NF1: variants seen among roughly 807,000 people sequenced by gnomAD.
NF1 encodes neurofibromin 1.
In NF1, 122 loss-of-function variants were observed where a neutral mutation model predicts 325.7. That is an observed-to-expected ratio of 0.37 (90% confidence interval 0.32 to 0.44). The LOEUF (loss-of-function observed/expected upper bound fraction) is 0.44, where lower values mean the gene tolerates loss of function less well. Ranked by LOEUF, NF1 falls within the 20% of genes least tolerant of loss-of-function variation. NF1 has a pLI of 1.00. For synonymous variants in NF1, 1,091 were observed against 1,186.0 expected, an observed-to-expected ratio of 0.92 and a Z score of 1.65; for missense variants, 2,140 against 3,415.4, an observed-to-expected ratio of 0.63 and a Z score of 9.31.
chr17:31,109,703 G>A (rs1202939263), intron 1 of NF1, among the ~76,000 whole-genome samples: 1 of 152,100 alleles, frequency 6.6e-6, no homozygotes, highest in African/African-American at 2.4e-5. Context: ...TTTTCAACTA[G>A]AACAATTAGA....
intron 37 of NF1, 64 bp from the exon 38 acceptor site, chr17:31,327,435 T>C: frequency 3.7e-6 from 5 of 1,335,398 alleles, no homozygotes; most frequent in Non-Finnish European, 5.3e-6. Flanking sequence ...TCTGGAGCCT[T>C]TTAGAATTTT....
At chr17:31,233,564 C>T (rs554424259) in intron 27 of NF1, among the ~76,000 whole-genome samples, 1 of 152,254 alleles carries the variant, frequency 6.6e-6, no homozygotes, top group East Asian at 1.9e-4. Flanking sequence ...TTACTACCTC[C>T]AGTTTGCTAT....
intron 39 of NF1, among the ~76,000 whole-genome samples, chr17:31,334,150 G>A (rs932675723): frequency 6.6e-5 from 10 of 152,046 alleles, no homozygotes; most frequent in Admixed American, 1.3e-4. Context: ...TTTGCCGGGC[G>A]TGGTGGTGGG....
At chr17:31,317,404 C>CACACACACACA (rs56932012) in intron 36 of NF1, among the ~76,000 whole-genome samples, 2 of 147,222 alleles carry the variant, frequency 1.4e-5, no homozygotes, top group African/African-American at 2.6e-5. Context: ...CACACACACA[C>CACACACACACA]CCCTAATAAA....
intron 2 of NF1, among the ~76,000 whole-genome samples, chr17:31,157,055 C>G (rs918999381): frequency 6.6e-6 from 1 of 152,088 alleles, no homozygotes; most frequent in African/African-American, 2.4e-5. Context: ...GGCGCAATCT[C>G]GGCTTACTGT....
At chr17:31,149,561 A>C (rs562879041) in intron 1 of NF1, among the ~76,000 whole-genome samples, 1 of 152,280 alleles carries the variant, frequency 6.6e-6, no homozygotes, top group Admixed American at 6.5e-5. Flanking sequence ...TGTATTTAGA[A>C]AGATTTATTC....
intron 36 of NF1, among the ~76,000 whole-genome samples, chr17:31,307,638 T>C (rs1597804383): frequency 6.6e-6 from 1 of 152,182 alleles, no homozygotes; most frequent in East Asian, 1.9e-4. Context: ...CTGTTCTCAA[T>C]TGCCTTTCCT....
Position 31,229,274 on chromosome 17 carries a change from G to C in NF1, c.2659G>C (p.Ala887Pro), listed in dbSNP as rs1251621684. The change falls in exon 21 of 58, where the codon GCA becomes CCA. Residue 887 changes from alanine (A) to proline (P), a missense_variant. Physicochemically the swap from Ala to Pro is conservative, Grantham distance 27. Around this residue, in one of 10 missense-constraint regions of NF1, gnomAD observed 380 missense variants for 639.3 expected, o/e 0.59. Transcript: ENST00000358273. ...TTCAGTGATGTCTTCAGAGGGAAAC[G>C]CAGATACACCTGTCAGCAAATTTAT... ...MISVMSSEGN[A>P]DTPVSKFMDR... 6.2e-7 allele frequency: 1 copy of C among 1,613,626 alleles called. No individual in the cohort carries two copies.
chr17:31,325,187 A>G (rs549407143), intron 36 of NF1, among the ~76,000 whole-genome samples: 2 of 152,276 alleles, frequency 1.3e-5, no homozygotes, highest in South Asian at 4.1e-4. Context: ...TCATACACAA[A>G]TGATATGGCC....
intron 2 of NF1, among the ~76,000 whole-genome samples, chr17:31,156,842 T>C (rs2065671999): frequency 6.6e-6 from 1 of 152,176 alleles, no homozygotes; most frequent in Non-Finnish European, 1.5e-5. Context: ...GATCCCTTCC[T>C]CTCTCTAAAT....
At chr17:31,324,223 C>T (rs909023393) in intron 36 of NF1, among the ~76,000 whole-genome samples, 6 of 151,924 alleles carry the variant, frequency 3.9e-5, no homozygotes, top group African/African-American at 7.2e-5. Flanking sequence ...CGTGCCACCA[C>T]GCCCAGCTAA....
In NF1 at chr17:31,198,142, G is replaced by C. The variant is rs549618334; in HGVS notation, c.889-2280G>C. On this transcript the variant is annotated intron_variant, in intron 8 of 57. Coordinates refer to ENST00000358273, the MANE Select transcript of NF1 (RefSeq NM_001042492.3). ...GAATCATCTTGTGCTCCTGGAGTAA[G>C]TTTCACTTGGTCATGGTGTGTCATC... 1.8e-4 allele frequency among the ~76,000 whole-genome samples: 27 copies of C among 152,250 alleles called. 1 individual carries two copies. The South Asian group carries it at 5.6e-3, about 32-fold the overall frequency.
intron 36 of NF1, chr17:31,305,237 C>T (rs999235860): frequency 6.2e-7 from 1 of 1,614,112 alleles, no homozygotes; most frequent in African/African-American, 1.3e-5. Context: ...AGTTGTCTGG[C>T]AGAGGTGAAC....
intron 48 of NF1, among the ~76,000 whole-genome samples, chr17:31,348,796 G>A (rs893889765): frequency 1.5e-4 from 22 of 151,428 alleles, no homozygotes; most frequent in Non-Finnish European, 2.2e-4. Context: ...ATAATACATA[G>A]ATTTTTTTTT....
At chr17:31,324,884 T>C (rs377238746) in intron 36 of NF1, among the ~76,000 whole-genome samples, 1 of 152,210 alleles carries the variant, frequency 6.6e-6, no homozygotes, top group South Asian at 2.1e-4. Context: ...TTATATCCAT[T>C]AACCAACCTC....
chr17:31,122,209 A>G (rs551620677), intron 1 of NF1, among the ~76,000 whole-genome samples: 1 of 152,328 alleles, frequency 6.6e-6, no homozygotes, highest in African/African-American at 2.4e-5. Flanking sequence ...TACTCATTAT[A>G]GGAAATTAGG....
chr17:31,331,572 T>G (rs923881864), intron 39 of NF1: 1 of 152,148 alleles, frequency 6.6e-6, no homozygotes, highest in Non-Finnish European at 1.5e-5. Context: ...GAATCAGCCA[T>G]CAGATCAGTT....
chr17:31,134,015 C>CT lies in NF1; in HGVS notation c.61-21963dup, dbSNP rs1389251424. The stretch of plus-strand genomic sequence containing the variant: ...TAATGAGTGTTAGGTGGTTTTATGA[C>CT]TTTTTGGTTTTTTTTTAATAGAGGT... On this transcript the variant is annotated intron_variant, in intron 1 of 57. Transcript: ENST00000358273. Among the ~76,000 whole-genome samples the CT allele has an allele frequency of 2.6e-5, 4 of 151,972 alleles. No individual in the cohort carries two copies. In the East Asian group the frequency reaches 7.7e-4, roughly 29 times the overall value.
intron 1 of NF1, among the ~76,000 whole-genome samples, chr17:31,103,608 T>G (rs1912568314): frequency 6.6e-6 from 1 of 152,074 alleles, no homozygotes; most frequent in South Asian, 2.1e-4. Flanking sequence ...CTCAAACACC[T>G]GCCTCAGCCT....
Sources: allele counts gnomAD v4.1 joint callset (sites outside exome capture counted in the v4.1 genomes callset), GRCh38; gene constraint gnomAD v4.1.1; regional missense constraint gnomAD v4.1.1; transcripts MANE v1.5; gene names NCBI Gene and HGNC (gene_info 2026-07-23, HGNC 2026-07-21).